Variants in PRKAR2A observed in about 807,000 individuals in gnomAD.
The protein encoded by PRKAR2A is protein kinase cAMP-dependent type II regulatory subunit alpha, also known as cAMP-dependent protein kinase type II-alpha regulatory subunit.
A neutral mutation model predicts 51.9 loss-of-function variants in PRKAR2A; 29 were observed. The ratio of observed to expected loss-of-function variants is 0.56; its 90% CI spans 0.42 to 0.76. The LOEUF is 0.76. Ranked by LOEUF, PRKAR2A falls within the 30% of genes least tolerant of loss-of-function variation. The pLI, the probability that PRKAR2A is intolerant of heterozygous loss-of-function variation, is 0.00. For missense variants in PRKAR2A, 445 were observed against 512.1 expected (o/e 0.87, Z 1.26); for synonymous variants, 178 against 186.2 (o/e 0.96, Z 0.36).
chr3:48,823,319 T>A (rs2107410813), intron 1 of PRKAR2A, among the ~76,000 whole-genome samples: 1 of 151,956 alleles, frequency 6.6e-6, no homozygotes, highest in Non-Finnish European at 1.5e-5. Context: ...AAAGGGGGTG[T>A]CGGGGGGGTG....
At position 48,847,256 on chromosome 3, in the gene PRKAR2A, C is replaced by A. The variant is rs1289013293; in HGVS notation, c.262+79G>T. ...GCCTGCGGTCGGCTTGGCTGCGGCGCGACACCTGGCTCCCTGCCACCCCTC... is the reference window on the plus strand; with the variant it reads ...GCCTGCGGTCGGCTTGGCTGCGGCGAGACACCTGGCTCCCTGCCACCCCTC... On this transcript the variant is annotated intron_variant, in intron 1 of 10. Transcript: ENST00000265563. This position sits in a 1 kb window ranked among gnomAD's most constrained non-coding sequence, Gnocchi z 4.4. 1.3e-6 allele frequency: 2 copies of A among 1,509,994 alleles called. No homozygotes were observed. The highest frequency in any genetic ancestry group is 5.0e-5 in the East Asian group (2 of 39,738). The allele number at this position is 1,509,994 out of a possible 1,614,324, so 93.5% of individuals were successfully genotyped here.
In PRKAR2A at chr3:48,768,294, A is replaced by AAGATAGATAGAT. The variant is rs561041221; in HGVS notation, c.697-2957_697-2946dup. Among the ~76,000 whole-genome samples the AAGATAGATAGAT allele has an allele frequency of 8.2e-3, 1,149 of 140,190 alleles. 8 individuals carry two copies. Among genetic ancestry groups the AAGATAGATAGAT allele is most frequent in the Middle Eastern group, 0.021 (6 of 286 alleles). The allele number at this position is 140,190 out of a possible 152,430, so 92.0% of individuals were successfully genotyped here. Reference sequence around the variant, plus strand: ...GGCCAACAGAGTGAGACCGTCTCAAAAGATAGATAGATAGATAGATAGATA... The same window carrying AAGATAGATAGAT: ...GGCCAACAGAGTGAGACCGTCTCAAAAGATAGATAGATAGATAGATAGATAGATAGATAGATA... On this transcript the variant is annotated intron_variant, in intron 6 of 10. Transcript: ENST00000265563.
downstream of PRKAR2A, among the ~76,000 whole-genome samples, chr3:48,745,165 G>A (rs1367283733): frequency 1.4e-5 from 2 of 147,584 alleles, no homozygotes; most frequent in Non-Finnish European, 3.0e-5. Context: ...ATGAGCAACC[G>A]CACCCAGCCT....
intron 1 of PRKAR2A, among the ~76,000 whole-genome samples, chr3:48,841,170 C>T (rs887771757): frequency 2.0e-5 from 3 of 151,850 alleles, no homozygotes; most frequent in Non-Finnish European, 2.9e-5. Flanking sequence ...AGGCACGTGC[C>T]ATGTTTTCAC....
chr3:48,824,631 CTAAAA>C (rs1422068933), intron 1 of PRKAR2A, among the ~76,000 whole-genome samples: 2 of 151,532 alleles, frequency 1.3e-5, no homozygotes, highest in Non-Finnish European at 2.9e-5. Flanking sequence ...CCTCCTGAAC[CTAAAA>C]TAAAAGTTGA....
At chr3:48,835,388 T>C (rs1224466249) in intron 1 of PRKAR2A, among the ~76,000 whole-genome samples, 1 of 150,778 alleles carries the variant, frequency 6.6e-6, no homozygotes, top group Non-Finnish European at 1.5e-5. Context: ...ACGCTTCTAA[T>C]CCCAGCACTT....
intron 9 of PRKAR2A, among the ~76,000 whole-genome samples, chr3:48,754,055 A>C (rs1279241399): frequency 6.8e-6 from 1 of 146,666 alleles, no homozygotes; most frequent in Non-Finnish European, 1.5e-5. Flanking sequence ...CCGCAACCAC[A>C]CCTGGCTAAT....
intron 6 of PRKAR2A, 52 bp downstream of exon 6, chr3:48,772,903 A>C: frequency 3.2e-6 from 5 of 1,542,912 alleles, no homozygotes; most frequent in Non-Finnish European, 4.4e-6. Flanking sequence ...ACAGAGACAC[A>C]GAAAGGGAAT....
At chr3:48,835,564 C>A (rs989149120) in intron 1 of PRKAR2A, among the ~76,000 whole-genome samples, 2 of 147,740 alleles carry the variant, frequency 1.4e-5, no homozygotes, top group South Asian at 4.5e-4. Flanking sequence ...TGGTGTGACC[C>A]AGGAGGCAGA....
chr3:48,836,419 T>TAAA (rs548970318), intron 1 of PRKAR2A, among the ~76,000 whole-genome samples: 27 of 56,086 alleles, frequency 4.8e-4, no homozygotes, highest in African/African-American at 8.1e-4. Flanking sequence ...AGACTCCGTC[T>TAAA]AAAAAAAAAA....
Position 48,747,660 on chromosome 3 carries a change from G to T in PRKAR2A, c.*3925C>A, listed in dbSNP as rs2081580764. On this transcript the variant is annotated 3_prime_UTR_variant, in exon 11 of 11. Transcript: ENST00000265563. ...ATAGCACATGAACCTTTCCTTCAGA[G>T]AATTCAACCAAGAGAAGAGAGTGGG... 6.6e-6 allele frequency: 1 copy of T among 152,210 alleles called. No individual in the cohort carries two copies. Among genetic ancestry groups the T allele is most frequent in the Admixed American group, 6.5e-5 (1 of 15,274 alleles). The allele number at this position is 152,210 out of a possible 1,614,324, so 9.4% of individuals were successfully genotyped here.
At chr3:48,814,882 C>T (rs1487980614) in intron 1 of PRKAR2A, among the ~76,000 whole-genome samples, 1 of 152,080 alleles carries the variant, frequency 6.6e-6, no homozygotes, top group Non-Finnish European at 1.5e-5. Flanking sequence ...AAGAAAATGG[C>T]TGCAGTTTCA....
intron 1 of PRKAR2A, among the ~76,000 whole-genome samples, chr3:48,837,448 T>TA (rs1345263415): frequency 6.6e-6 from 1 of 152,222 alleles, no homozygotes; most frequent in Non-Finnish European, 1.5e-5. Flanking sequence ...AGAAGACAGA[T>TA]ACGTTCAGAC....
intron 1 of PRKAR2A, among the ~76,000 whole-genome samples, chr3:48,825,028 C>CTTTTTTTTTT (rs1168503342): frequency 2.7e-5 from 2 of 74,688 alleles, no homozygotes; most frequent in Non-Finnish European, 2.4e-5. Flanking sequence ...ATTTTCTTTT[C>CTTTTTTTTTT]TTTTTTTTTT....
intron 1 of PRKAR2A, among the ~76,000 whole-genome samples, chr3:48,822,737 T>TG (rs2082988855): frequency 6.7e-6 from 1 of 149,712 alleles, no homozygotes; most frequent in African/African-American, 2.5e-5. Context: ...TTTTTTTTTT[T>TG]TTTTCTTTGA....
At chr3:48,783,580 T>C (rs1469966439) in intron 4 of PRKAR2A, among the ~76,000 whole-genome samples, 1 of 151,936 alleles carries the variant, frequency 6.6e-6, no homozygotes, top group South Asian at 2.1e-4. Context: ...CAGTATCTTG[T>C]TTGTTTTTTT....
chr3:48,790,228 T>C (rs979434485), intron 4 of PRKAR2A, among the ~76,000 whole-genome samples: 1 of 152,162 alleles, frequency 6.6e-6, no homozygotes, highest in African/African-American at 2.4e-5. Flanking sequence ...CTACTCGGAA[T>C]GGCATGCCTT....
intron 10 of PRKAR2A, among the ~76,000 whole-genome samples, 159 bp downstream of exon 10, chr3:48,752,017 G>C (rs892131842): frequency 6.6e-6 from 1 of 152,144 alleles, no homozygotes; most frequent in Non-Finnish European, 1.5e-5. Flanking sequence ...ACTCAGAAAT[G>C]TTTGCTGAAA....
chr3:48,819,284 G>A (rs896375806), intron 1 of PRKAR2A, among the ~76,000 whole-genome samples: 1 of 152,208 alleles, frequency 6.6e-6, no homozygotes, highest in Non-Finnish European at 1.5e-5. Context: ...CCAAAGTGCT[G>A]GGATTACAGG....
Sources: allele counts gnomAD v4.1 joint callset (sites outside exome capture counted in the v4.1 genomes callset), GRCh38; gene constraint gnomAD v4.1.1; non-coding constraint Gnocchi (gnomAD v3.1); transcripts MANE v1.5; gene names NCBI Gene and HGNC (gene_info 2026-07-23, HGNC 2026-07-21).